The following NRDE2 variants were observed in gnomAD, a reference collection of about 807,000 sequenced individuals.
NRDE2 encodes the protein NRDE-2, necessary for RNA interference, domain containing, also known as nuclear exosome regulator NRDE2.
NRDE2 carries 76 observed loss-of-function variants against 124.2 expected under a neutral mutation model. The ratio of observed to expected loss-of-function variants is 0.61; its 90% CI spans 0.51 to 0.74. The LOEUF (loss-of-function observed/expected upper bound fraction) is 0.74, where lower values mean the gene tolerates loss of function less well. Among genes scored for constraint, NRDE2 ranks in the 30% least tolerant of loss-of-function variants. The pLI is 0.00. For missense variants in NRDE2, 1,314 were observed against 1,417.3 expected, an observed-to-expected ratio of 0.93 and a Z score of 1.17; for synonymous variants, 489 against 528.1, an observed-to-expected ratio of 0.93 and a Z score of 1.01.
At position 90,273,803 on chromosome 14, in the gene NRDE2, G is replaced by A. The variant is rs1448081335; in HGVS notation, c.*4533C>T. 6.5e-6 allele frequency: 1 copy of A among 154,650 alleles called. No individual in the cohort carries two copies. Among genetic ancestry groups the A allele is most frequent in the Non-Finnish European group, 1.5e-5 (1 of 68,222 alleles). The allele number at this position is 154,650 out of a possible 1,614,324, so 9.6% of individuals were successfully genotyped here. A position where few individuals can be genotyped will look rare whatever the true frequency, so the allele number is the denominator to read the frequency against. On this transcript the variant is annotated 3_prime_UTR_variant, in exon 14 of 14. Transcript: ENST00000354366. ...CCAGCTGAGGCCTTTGCCAGTCTGT[G>A]AAGGCCACCCTCCCTCCTGACTCGT...
chr14:90,289,390 A>T (rs1892208332), intron 10 of NRDE2, among the ~76,000 whole-genome samples: 1 of 152,214 alleles, frequency 6.6e-6, no homozygotes. Flanking sequence ...TGATACCTAC[A>T]AATGTTCTTC....
intron 1 of NRDE2, 90 bp downstream of exon 1, chr14:90,331,751 C>G: frequency 7.1e-7 from 1 of 1,407,236 alleles, no homozygotes; most frequent in Non-Finnish European, 1.0e-6. Flanking sequence ...CAAATGGATA[C>G]ACAAATCCAA....
intron 3 of NRDE2, among the ~76,000 whole-genome samples, chr14:90,315,352 T>C (rs890018432): frequency 8.6e-5 from 13 of 151,570 alleles, no homozygotes; most frequent in South Asian, 2.1e-4. Context: ...GCCTGGGTGA[T>C]AGAATGAGAC....
intron 10 of NRDE2, 59 bp from the exon 11 acceptor site, chr14:90,289,204 G>T: frequency 7.2e-7 from 1 of 1,389,926 alleles, no homozygotes; most frequent in Non-Finnish European, 9.9e-7. Flanking sequence ...GTCCTCTGCT[G>T]CCAACTGTAG....
chr14:90,268,262 T>C lies in NRDE2; in HGVS notation c.*10074A>G. ...AGCCAAAGCAGTAGCAAACCAAACC[T>C]CAGCCACTTTCTTGAGAGTGGTTGG... On this transcript the variant is annotated 3_prime_UTR_variant, in exon 14 of 14. Coordinates refer to ENST00000354366, the MANE Select transcript of NRDE2 (RefSeq NM_017970.4). 6.2e-7 allele frequency: 1 copy of C among 1,605,018 alleles called. No individual in the cohort carries two copies. Among genetic ancestry groups the C allele is most frequent in the East Asian group, 2.2e-5 (1 of 44,748 alleles).
chr14:90,296,788 T>TA (rs5810493), intron 8 of NRDE2, among the ~76,000 whole-genome samples: 50,798 of 151,910 alleles, frequency 0.33, 9,394 homozygotes, highest in East Asian at 0.51. Context: ...CTGAATGTCT[T>TA]AGAGTTGTGC....
At chr14:90,278,536 G>C (rs921162644) in intron 13 of NRDE2, 75 bp from the exon 14 acceptor site, 7 of 1,584,342 alleles carry the variant, frequency 4.4e-6, no homozygotes, top group Non-Finnish European at 6.0e-6. Context: ...GGAAGCAAGG[G>C]CCAGGTTCCT....
intron 4 of NRDE2, among the ~76,000 whole-genome samples, chr14:90,311,598 A>G (rs1422653048): frequency 6.6e-6 from 1 of 152,194 alleles, no homozygotes; most frequent in Non-Finnish European, 1.5e-5. Context: ...TGGAACTGTG[A>G]GTCCATTAAA....
intron 12 of NRDE2, chr14:90,281,667 G>C (rs766504025): frequency 6.6e-6 from 1 of 152,232 alleles, no homozygotes; most frequent in Non-Finnish European, 1.5e-5. Context: ...AAAAAACGAG[G>C]AAGCTGAAGG....
rs1891603265 is a variant in NRDE2, at chr14:90,269,382, T to TC, written c.*8953_*8954insG. 1.9e-6 allele frequency: 3 copies of TC among 1,593,640 alleles called. No homozygotes were observed. The highest frequency in any genetic ancestry group is 1.7e-5 in the Admixed American group (1 of 57,458). ...CAGTTGAGTCTTCATTCCTTCCCTT[T>TC]TTTTTTTTCCAAAGATATGACTCCA... is the stretch of plus-strand genomic sequence containing the variant. On this transcript the variant is annotated 3_prime_UTR_variant, in exon 14 of 14. Coordinates refer to ENST00000354366, the MANE Select transcript of NRDE2 (RefSeq NM_017970.4).
At chr14:90,316,936 C>A in intron 2 of NRDE2, 125 bp from the exon 3 acceptor site, 1 of 688,626 alleles carries the variant, frequency 1.5e-6, no homozygotes, top group Non-Finnish European at 2.4e-6. Context: ...TTACTATTTG[C>A]CCATATATTA....
chr14:90,270,548 G>A lies in NRDE2; in HGVS notation c.*7788C>T. 1.7e-6 allele frequency: 1 copy of A among 584,726 alleles called. No individual in the cohort carries two copies. Among genetic ancestry groups the A allele is most frequent in the Non-Finnish European group, 2.8e-6 (1 of 363,096 alleles). 36.2% of individuals were successfully genotyped at this position (584,726 alleles called of 1,614,324 possible). On this transcript the variant is annotated 3_prime_UTR_variant, in exon 14 of 14. Transcript: ENST00000354366. Reference sequence around the variant, plus strand: ...CATTCTTAATGCATCATTTTATGCAGTGAATGACGCTAAATCACCTGGAGC... The same window carrying A: ...CATTCTTAATGCATCATTTTATGCAATGAATGACGCTAAATCACCTGGAGC...
intron 6 of NRDE2, among the ~76,000 whole-genome samples, chr14:90,302,008 C>T (rs866956590): frequency 6.6e-6 from 1 of 152,238 alleles, no homozygotes; most frequent in African/African-American, 2.4e-5. Context: ...TACTCAATAA[C>T]AGGGGTTGTG....
Position 90,283,168 on chromosome 14 carries a change from C to G in NRDE2, c.3297+3186G>C, listed in dbSNP as rs531593492. Among the ~76,000 whole-genome samples, 14 of 152,252 alleles carry G rather than the reference C, an allele frequency of 9.2e-5. No individual in the cohort carries two copies. In the South Asian group the frequency reaches 2.9e-3, roughly 32 times the overall value. On this transcript the variant is annotated intron_variant, in intron 12 of 13. Transcript: ENST00000354366. ...CTAATGTGATTTTTCACTGTGTTAA[C>G]AAAGTGCTAGGAGCCTGCCCAGATG...
In NRDE2 at chr14:90,331,848, G is replaced by T. The variant is rs781252261; in HGVS notation, c.57C>A (p.Ser19=). 152 of 1,614,086 alleles carry T rather than the reference G, an allele frequency of 9.4e-5. 2 individuals are homozygous for T. The South Asian group carries it at 1.6e-3, about 17-fold the overall frequency. ...GLSEAPDGGS[S]RKELDWLSNP... is the part of the protein sequence containing the mutation. ...GCTCGTTTGTGTGCTTACCTTTCCT[G>T]GAGCTCCCGCCATCGGGAGCCTCAC... The change falls in exon 1 of 14, where the codon TCC becomes TCA. Residue 19 remains serine (S), a synonymous_variant. Coordinates refer to ENST00000354366, the MANE Select transcript of NRDE2 (RefSeq NM_017970.4).
chr14:90,318,165 A>G (rs1047900776), intron 1 of NRDE2, 52 bp from the exon 2 acceptor site: 2 of 1,393,218 alleles, frequency 1.4e-6, no homozygotes, highest in South Asian at 2.4e-5. Context: ...ATATGATTCT[A>G]AAGCAGGAGA....
At chr14:90,326,283 A>T (rs1184713393) in intron 1 of NRDE2, among the ~76,000 whole-genome samples, 2 of 151,812 alleles carry the variant, frequency 1.3e-5, no homozygotes, top group African/African-American at 4.8e-5. Context: ...TCATGAGGTC[A>T]GGAGATCGAG....
intron 3 of NRDE2, 46 bp from the exon 4 acceptor site, chr14:90,312,589 T>C (rs1884886382): frequency 2.5e-6 from 4 of 1,606,400 alleles, no homozygotes; most frequent in Non-Finnish European, 3.4e-6. Flanking sequence ...CTTTAAAAAA[T>C]CTTCCAGTGA....
Position 90,273,495 on chromosome 14 carries a change from T to G in NRDE2, c.*4841A>C, listed in dbSNP as rs1029658158. 6.6e-6 allele frequency: 1 copy of G among 152,048 alleles called. No individual in the cohort carries two copies. Among genetic ancestry groups the G allele is most frequent in the African/African-American group, 2.4e-5 (1 of 41,370 alleles). The allele number at this position is 152,048 out of a possible 1,614,324, so 9.4% of individuals were successfully genotyped here. On this transcript the variant is annotated 3_prime_UTR_variant, in exon 14 of 14. Coordinates refer to ENST00000354366, the MANE Select transcript of NRDE2 (RefSeq NM_017970.4). ...ATCGCTTGAACCCAGGAGGCGGAGG[T>G]TGCAGTGAGCCAAGATCCCGTCACT...
Sources: gnomAD v4.1 joint callset for allele counts (sites outside exome capture counted in the v4.1 genomes callset) on GRCh38, gnomAD v4.1.1 for gene constraint, MANE v1.5 for transcripts, NCBI Gene and HGNC (gene_info 2026-07-23, HGNC 2026-07-21) for gene names.